The following DISC1 variants were observed in gnomAD, a reference collection of about 807,000 sequenced individuals.
DISC1 encodes DISC1 scaffold protein.
In DISC1, 57 loss-of-function variants were observed where a neutral mutation model predicts 84.5. The observed-to-expected ratio is 0.67, with a 90% confidence interval of 0.55 to 0.84. The LOEUF is 0.84. Among genes scored for constraint, DISC1 ranks in the 40% least tolerant of loss-of-function variants. The probability of loss-of-function intolerance (pLI) is 0.00; values close to 1 mark genes in which losing one functional copy is unlikely to be tolerated. For synonymous variants in DISC1, 411 were observed against 415.2 expected (o/e 0.99, Z 0.12); for missense variants, 1,000 against 1,057.8 (o/e 0.95, Z 0.76).
intron 11 of DISC1, among the ~76,000 whole-genome samples, chr1:232,015,375 G>T (rs181588080): frequency 6.6e-6 from 1 of 152,262 alleles, no homozygotes; most frequent in African/African-American, 2.4e-5. Context: ...GAAATTCCTT[G>T]TCATTCACTG....
At chr1:231,663,848 T>C in intron 1 of DISC1, among the ~76,000 whole-genome samples, 1 of 152,234 alleles carries the variant, frequency 6.6e-6, no homozygotes, top group South Asian at 2.1e-4. Flanking sequence ...GTTATATAGA[T>C]GCAGAATCTT....
rs561201767 is a variant in DISC1 at position 231,986,338 on chromosome 1, T to C, written c.2043-22447T>C. Reference sequence around the variant, plus strand: ...GGAATTCAATGGATGCATAAGGCAGTGTAGGGGAACTGATTTTTAGGGAGC... The same window carrying C: ...GGAATTCAATGGATGCATAAGGCAGCGTAGGGGAACTGATTTTTAGGGAGC... On this transcript the variant is annotated intron_variant, in intron 10 of 12. Coordinates refer to ENST00000439617, the MANE Select transcript of DISC1 (RefSeq NM_018662.3). 2.0e-5 allele frequency among the ~76,000 whole-genome samples: 3 copies of C among 152,270 alleles called. No individual in the cohort carries two copies. In the South Asian group the frequency reaches 6.2e-4, roughly 32 times the overall value.
At chr1:231,859,090 C>G (rs531377556) in intron 9 of DISC1, among the ~76,000 whole-genome samples, 7 of 152,310 alleles carry the variant, frequency 4.6e-5, no homozygotes, top group African/African-American at 1.7e-4. Context: ...AACCAGCATA[C>G]TTCTGGTTCT....
intron 1 of DISC1, among the ~76,000 whole-genome samples, chr1:231,669,603 G>A (rs1395992852): frequency 6.6e-6 from 1 of 152,116 alleles, no homozygotes; most frequent in Non-Finnish European, 1.5e-5. Flanking sequence ...CATACATGCA[G>A]ACAACAATCA....
At chr1:231,936,585 G>A (rs2090994122) in intron 9 of DISC1, among the ~76,000 whole-genome samples, 1 of 152,186 alleles carries the variant, frequency 6.6e-6, no homozygotes, top group African/African-American at 2.4e-5. Context: ...AGGAAAAACT[G>A]GCAGAGAAGT....
At chr1:231,665,086 T>G (rs1008131499) in intron 1 of DISC1, among the ~76,000 whole-genome samples, 5 of 152,060 alleles carry the variant, frequency 3.3e-5, no homozygotes, top group Non-Finnish European at 7.4e-5. Context: ...AGAAACAACA[T>G]AAAAAATGCA....
At chr1:231,907,566 C>T (rs1295406688) in intron 9 of DISC1, among the ~76,000 whole-genome samples, 1 of 152,270 alleles carries the variant, frequency 6.6e-6, no homozygotes, top group African/African-American at 2.4e-5. Flanking sequence ...TTGCTTAATC[C>T]AGTCTATCAT....
chr1:231,733,258 AGGT>A (rs1240844186), intron 3 of DISC1, among the ~76,000 whole-genome samples: 4 of 134,764 alleles, frequency 3.0e-5, no homozygotes, highest in Non-Finnish European at 6.4e-5. Context: ...GTGATGGTAG[AGGT>A]GGTGGTAATG....
At position 231,626,794 on chromosome 1, in the gene DISC1, TCC is replaced by T; in HGVS notation, c.-69_-68del. The stretch of plus-strand genomic sequence containing the variant: ...CTTCCCGTCCAGCGCGCTGCTCCCT[TCC>T]CCCCGCCTCTGGCCTCGGGGAAGGA... On this transcript the variant is annotated 5_prime_UTR_variant, in exon 1 of 13. Coordinates refer to ENST00000439617, the MANE Select transcript of DISC1 (RefSeq NM_018662.3). 1 of 1,160,182 alleles carries T rather than the reference TCC, an allele frequency of 8.6e-7. No homozygotes were observed. The highest frequency in any genetic ancestry group is 1.1e-6 in the Non-Finnish European group (1 of 878,888). The allele number at this position is 1,160,182 out of a possible 1,614,324, so 71.9% of individuals were successfully genotyped here. A position where few individuals can be genotyped will look rare whatever the true frequency, so the allele number is the denominator to read the frequency against.
At chr1:232,028,604 A>G (rs1669702906) in intron 12 of DISC1, among the ~76,000 whole-genome samples, 1 of 152,188 alleles carries the variant, frequency 6.6e-6, no homozygotes, top group South Asian at 2.1e-4. Flanking sequence ...TGTCAGGATA[A>G]CATACACCTC....
intron 3 of DISC1, among the ~76,000 whole-genome samples, chr1:231,705,203 G>A (rs575935513): frequency 1.4e-5 from 2 of 145,318 alleles, no homozygotes; most frequent in Non-Finnish European, 3.0e-5. Flanking sequence ...CAGGAGAATC[G>A]CTTGAACCCG....
Position 231,826,195 on chromosome 1 carries a change from A to G in DISC1, c.1981+7678A>G, listed in dbSNP as rs565355040. 2.6e-5 allele frequency among the ~76,000 whole-genome samples: 4 copies of G among 152,282 alleles called. No homozygotes were observed. The highest frequency in any genetic ancestry group is 4.8e-5 in the African/African-American group (2 of 41,546). On this transcript the variant is annotated intron_variant, in intron 9 of 12. Transcript: ENST00000439617. The surrounding 1 kb of genome is among the most constrained non-coding windows in gnomAD (Gnocchi z 4.2). Reference sequence around the variant, plus strand: ...ACCGATGAAGAAGCTGAGGTTTAGGAAGGATCCTGTCACAGAGCCTTCAGG... The same window carrying G: ...ACCGATGAAGAAGCTGAGGTTTAGGGAGGATCCTGTCACAGAGCCTTCAGG...
At chr1:231,788,121 A>T (rs1424425273) in intron 6 of DISC1, among the ~76,000 whole-genome samples, 1 of 152,110 alleles carries the variant, frequency 6.6e-6, no homozygotes, top group African/African-American at 2.4e-5. Context: ...CATTTCTACT[A>T]AAAATACCAA....
In DISC1 at chr1:231,702,009, G is replaced by A; in HGVS notation, c.1102G>A (p.Asp368Asn). Residue 368 changes from aspartate to asparagine, a missense_variant, in exon 3 of 13, where the codon GAT becomes AAT. By Grantham distance (23) the Asp-to-Asn change is conservative. This residue lies in a region of DISC1 where 311 missense variants were observed against 400.1 expected (regional missense o/e 0.78). Coordinates refer to ENST00000439617, the MANE Select transcript of DISC1 (RefSeq NM_018662.3). ...ACTTCAGGAAGATGCAGTTGAGAAT[G>A]ATGATTATGATAAAGGTGAGTTTTA... is the stretch of plus-strand genomic sequence containing the variant. The part of the protein sequence containing the change: ...QKLQEDAVEN[D>N]DYDKAETLQQ... 1 of 1,606,768 alleles carries A rather than the reference G, an allele frequency of 6.2e-7. No homozygotes were observed. Among genetic ancestry groups the A allele is most frequent in the Non-Finnish European group, 8.5e-7 (1 of 1,177,234 alleles).
intron 8 of DISC1, among the ~76,000 whole-genome samples, chr1:231,813,021 C>A (rs2080468408): frequency 6.6e-6 from 1 of 152,122 alleles, no homozygotes; most frequent in African/African-American, 2.4e-5. Flanking sequence ...TTTTCCCAAG[C>A]CTTATCCCTC....
intron 9 of DISC1, among the ~76,000 whole-genome samples, chr1:231,842,329 T>G (rs912234241): frequency 1.3e-5 from 2 of 152,188 alleles, no homozygotes; most frequent in Non-Finnish European, 2.9e-5. Context: ...GCTATTAGTT[T>G]TCTGCCCCCA....
chr1:231,637,412 T>TG (rs1196616025), intron 1 of DISC1, among the ~76,000 whole-genome samples: 6 of 152,262 alleles, frequency 3.9e-5, no homozygotes, highest in Non-Finnish European at 7.3e-5. Flanking sequence ...GTTTGCCTAA[T>TG]GGTCAAGTCG....
chr1:231,731,327 GT>G (rs1292701393), intron 3 of DISC1, among the ~76,000 whole-genome samples: 5 of 152,246 alleles, frequency 3.3e-5, no homozygotes, highest in African/African-American at 2.4e-5. Context: ...CTTAAAGGCA[GT>G]TCTGCAGTAA....
chr1:231,705,067 T>C (rs888022949), intron 3 of DISC1, among the ~76,000 whole-genome samples: 36 of 151,040 alleles, frequency 2.4e-4, no homozygotes, highest in Non-Finnish European at 1.9e-4. Flanking sequence ...GGCGGGTGGA[T>C]CATGAGGTCA....
Sources: gnomAD v4.1 joint callset for allele counts (sites outside exome capture counted in the v4.1 genomes callset) on GRCh38, gnomAD v4.1.1 for gene constraint, gnomAD v4.1.1 regional missense constraint, Gnocchi (gnomAD v3.1) non-coding constraint, MANE v1.5 for transcripts, NCBI Gene and HGNC (gene_info 2026-07-23, HGNC 2026-07-21) for gene names.